PARD3: variants seen among roughly 807,000 people sequenced by gnomAD.
PARD3 encodes the protein partitioning defective 3 homolog.
A neutral mutation model predicts 155.4 loss-of-function variants in PARD3; 75 were observed. The observed-to-expected ratio is 0.48, with a 90% CI of 0.40 to 0.58. PARD3 has a LOEUF of 0.58. Ranked by LOEUF, PARD3 falls within the 20% of genes least tolerant of loss-of-function variation. The probability of loss-of-function intolerance (pLI) is 0.00; values close to 1 mark genes in which losing one functional copy is unlikely to be tolerated. For synonymous variants in PARD3, 576 were observed against 610.5 expected (o/e 0.94, Z 0.83); for missense variants, 1,642 against 1,721.7 (o/e 0.95, Z 0.82).
chr10:34,210,695 C>T (rs964259353), intron 22 of PARD3, among the ~76,000 whole-genome samples: 4 of 152,144 alleles, frequency 2.6e-5, no homozygotes, highest in Non-Finnish European at 4.4e-5. Flanking sequence ...AGGAAGTTCA[C>T]CACATCACTA....
At chr10:34,468,503 A>T (rs2078148053) in intron 4 of PARD3, among the ~76,000 whole-genome samples, 1 of 152,208 alleles carries the variant, frequency 6.6e-6, no homozygotes, top group Admixed American at 6.5e-5. Context: ...CTAAAAAAAG[A>T]TTAACTGCCA....
At chr10:34,558,667 A>G (rs1013643129) in intron 2 of PARD3, among the ~76,000 whole-genome samples, 3 of 152,212 alleles carry the variant, frequency 2.0e-5, no homozygotes, top group Non-Finnish European at 4.4e-5. Context: ...GCGGTGGCTC[A>G]TGCCTCTAAT....
At chr10:34,384,062 T>G (rs1433972106) in intron 8 of PARD3, 67 bp downstream of exon 8, 11 of 1,512,800 alleles carry the variant, frequency 7.3e-6, no homozygotes, top group African/African-American at 1.4e-5. Flanking sequence ...TTTGAAGCAT[T>G]TCAACTGACT....
chr10:34,755,803 C>A (rs1269534643), intron 1 of PARD3, among the ~76,000 whole-genome samples: 1 of 152,018 alleles, frequency 6.6e-6, no homozygotes, highest in Non-Finnish European at 1.5e-5. Flanking sequence ...CTGTCTCAAT[C>A]AACCAATTAC....
At chr10:34,466,371 T>C (rs1387730952) in intron 4 of PARD3, among the ~76,000 whole-genome samples, 1 of 152,128 alleles carries the variant, frequency 6.6e-6, no homozygotes, top group East Asian at 1.9e-4. Flanking sequence ...CCACCTCTCG[T>C]TTGTGATTTT....
At chr10:34,551,498 T>G (rs1387191124) in intron 2 of PARD3, among the ~76,000 whole-genome samples, 2 of 152,160 alleles carry the variant, frequency 1.3e-5, no homozygotes, top group Admixed American at 1.3e-4. Flanking sequence ...TGACCCCACC[T>G]TTGATTCCAA....
chr10:34,692,860 CGAGACTCCATCTCAAAACAA>C (rs1234640768), intron 2 of PARD3, among the ~76,000 whole-genome samples: 2 of 152,102 alleles, frequency 1.3e-5, no homozygotes, highest in Non-Finnish European at 2.9e-5. Context: ...GACAAAAGAG[CGAGACTCCATCTCAAAACAA>C]AGTGGACAAA....
intron 22 of PARD3, among the ~76,000 whole-genome samples, chr10:34,251,962 C>A (rs1588941172): frequency 6.6e-6 from 1 of 152,110 alleles, no homozygotes; most frequent in African/African-American, 2.4e-5. Context: ...ATGAAACAGA[C>A]AACAGACAAC....
At chr10:34,688,099 C>T (rs1035718289) in intron 2 of PARD3, among the ~76,000 whole-genome samples, 4 of 152,044 alleles carry the variant, frequency 2.6e-5, no homozygotes, top group Non-Finnish European at 4.4e-5. Context: ...GTGATCCACC[C>T]GCTTTGGCCT....
At position 34,562,164 on chromosome 10, in the gene PARD3, G is replaced by A. The variant is rs1220388766; in HGVS notation, c.223-45005C>T. Among the ~76,000 whole-genome samples the A allele has an allele frequency of 4.7e-5, 7 of 148,030 alleles. No homozygotes were observed. The East Asian group carries it at 1.2e-3, about 25-fold the overall frequency. ...AAAAAAAAAAAAAAGGCTTGTTGGG[G>A]GGTGGCTCATGCCTATAATCCCGGC... On this transcript the variant is annotated intron_variant, in intron 2 of 24. Coordinates refer to ENST00000374788, the MANE Select transcript of PARD3 (RefSeq NM_001184785.2).
intron 22 of PARD3, among the ~76,000 whole-genome samples, chr10:34,241,865 T>C (rs1192515216): frequency 1.3e-5 from 2 of 152,134 alleles, no homozygotes; most frequent in East Asian, 1.9e-4. Flanking sequence ...CAAATCACAT[T>C]TGTCTGGCTT....
intron 1 of PARD3, among the ~76,000 whole-genome samples, chr10:34,813,891 G>A (rs1210398941): frequency 2.0e-5 from 3 of 152,174 alleles, no homozygotes; most frequent in African/African-American, 7.2e-5. Flanking sequence ...CGGGTGCTTG[G>A]GAGAAACTTC....
chr10:34,118,104 A>G (rs1946783120), intron 24 of PARD3, among the ~76,000 whole-genome samples: 1 of 152,182 alleles, frequency 6.6e-6, no homozygotes, highest in African/African-American at 2.4e-5. Flanking sequence ...CAAAACTTTA[A>G]TGACTCTTAC....
At chr10:34,773,011 G>A (rs983186516) in intron 1 of PARD3, among the ~76,000 whole-genome samples, 2 of 152,048 alleles carry the variant, frequency 1.3e-5, no homozygotes, top group African/African-American at 4.8e-5. Flanking sequence ...CACAGCAAAT[G>A]AGCAGTTTGT....
chr10:34,540,771 G>C (rs997426836), intron 2 of PARD3, among the ~76,000 whole-genome samples: 5 of 152,190 alleles, frequency 3.3e-5, no homozygotes, highest in Non-Finnish European at 5.9e-5. Flanking sequence ...AACAGAGTGA[G>C]ATCCTGTCTC....
At chr10:34,244,861 A>T (rs1953841937) in intron 22 of PARD3, among the ~76,000 whole-genome samples, 1 of 152,194 alleles carries the variant, frequency 6.6e-6, no homozygotes, top group Non-Finnish European at 1.5e-5. Context: ...ATAAGGGTGA[A>T]TTAAGGCATG....
At chr10:34,600,340 G>C (rs762172090) in intron 2 of PARD3, among the ~76,000 whole-genome samples, 1 of 151,566 alleles carries the variant, frequency 6.6e-6, no homozygotes. Context: ...GCGAGACCCC[G>C]GTCTCAAAAA....
At chr10:34,504,737 G>C (rs966989683) in intron 3 of PARD3, among the ~76,000 whole-genome samples, 1 of 152,198 alleles carries the variant, frequency 6.6e-6, no homozygotes, top group Non-Finnish European at 1.5e-5. Flanking sequence ...CTGATTGGGA[G>C]TGACTCAGAA....
At chr10:34,762,259 G>GGAGAGAGA (rs139337549) in intron 1 of PARD3, among the ~76,000 whole-genome samples, 38,836 of 149,012 alleles carry the variant, frequency 0.26, 5,380 homozygotes, top group East Asian at 0.53. Context: ...GGAGGGAGAG[G>GGAGAGAGA]GAGAGAGAGA....
Sources: allele counts gnomAD v4.1 joint callset (sites outside exome capture counted in the v4.1 genomes callset), GRCh38; gene constraint gnomAD v4.1.1; transcripts MANE v1.5; gene names NCBI Gene and HGNC (gene_info 2026-07-23, HGNC 2026-07-21).